ZBTB9: variants seen among roughly 807,000 people sequenced by gnomAD.
ZBTB9 encodes the protein zinc finger and BTB domain containing 9.
A neutral mutation model predicts 26.3 loss-of-function variants in ZBTB9; 17 were observed. The ratio of observed to expected loss-of-function variants is 0.65; its 90% CI spans 0.44 to 0.97. The LOEUF (loss-of-function observed/expected upper bound fraction) is 0.97. ZBTB9 is among the 50% of genes least tolerant of loss of function. The probability of loss-of-function intolerance (pLI) is 0.00; values close to 1 mark genes in which losing one functional copy is unlikely to be tolerated. For missense variants in ZBTB9, 510 were observed against 594.2 expected, an observed-to-expected ratio of 0.86 and a Z score of 1.47; for synonymous variants, 226 against 234.3, an observed-to-expected ratio of 0.96 and a Z score of 0.32.
At position 33,455,220 on chromosome 6, in the gene ZBTB9, C is replaced by G. The variant is rs534179498; in HGVS notation, c.120C>G (p.Arg40=). 1.9e-5 allele frequency: 30 copies of G among 1,614,166 alleles called. No homozygotes were observed. In the African/African-American group the frequency reaches 3.6e-4, roughly 19 times the overall value. The part of the protein sequence containing the change: ...HSSSLLESLN[R]HRLEGKFCDV... ...CGTCTCTGCTGGAATCTCTGAACCG[C>G]CACAGGCTAGAGGGAAAGTTCTGTG... Residue 40 remains arginine, a synonymous_variant, in exon 2 of 2, where the codon CGC becomes CGG. Transcript: ENST00000395064.
At position 33,455,597 on chromosome 6, in the gene ZBTB9, C is replaced by G. The variant is rs1347265766; in HGVS notation, c.497C>G (p.Thr166Arg). 6.2e-7 allele frequency: 1 copy of G among 1,613,858 alleles called. No homozygotes were observed. The highest frequency in any genetic ancestry group is 2.2e-5 in the East Asian group (1 of 44,894). ...YHALLSTTSS[T>R]GGWCIRSSPF... ...GCCCTTCTTTCCACTACATCCTCTACAGGAGGCTGGTGCATTCGCTCTTCG... is the reference window on the plus strand; with the variant it reads ...GCCCTTCTTTCCACTACATCCTCTAGAGGAGGCTGGTGCATTCGCTCTTCG... Residue 166 changes from threonine to arginine, a missense_variant, in exon 2 of 2, where the codon ACA (threonine) becomes AGA (arginine). Thr to Arg is a moderately conservative substitution (Grantham distance 71). Around this residue, in one of 2 missense-constraint regions of ZBTB9, gnomAD observed 439 missense variants for 460.4 expected, o/e 0.95. Coordinates refer to ENST00000395064, the MANE Select transcript of ZBTB9 (RefSeq NM_152735.4).
Position 33,456,849 on chromosome 6 carries a change from TGA to T in ZBTB9, c.*332_*333del. 1 of 315,138 alleles carries T rather than the reference TGA, an allele frequency of 3.2e-6. No individual in the cohort carries two copies. Among genetic ancestry groups the T allele is most frequent in the Non-Finnish European group, 6.2e-6 (1 of 162,294 alleles). 19.5% of individuals were successfully genotyped at this position (315,138 alleles called of 1,614,324 possible). On this transcript the variant is annotated 3_prime_UTR_variant, in exon 2 of 2. Coordinates refer to ENST00000395064, the MANE Select transcript of ZBTB9 (RefSeq NM_152735.4). This position sits in a 1 kb window ranked among gnomAD's most constrained non-coding sequence, Gnocchi z 5.1. ...GGAAACCAGATTTTCAATTATTTAGTGAGAGAAGAGTTAGAGCAAAAGACAGT... is the reference window on the plus strand; with the variant it reads ...GGAAACCAGATTTTCAATTATTTAGTGAGAAGAGTTAGAGCAAAAGACAGT...
upstream of ZBTB9, chr6:33,454,108 T>G (rs1761421768): frequency 6.6e-6 from 1 of 152,172 alleles, no homozygotes; most frequent in Non-Finnish European, 1.5e-5. Flanking sequence ...CCAGGTCCAC[T>G]ACTATTAGCT....
chr6:33,456,219 A>AG lies in ZBTB9; in HGVS notation c.1125dup (p.Thr376AspfsTer24), dbSNP rs758605866. On this transcript the variant is annotated frameshift_variant, in exon 2 of 2. Coordinates refer to ENST00000395064, the MANE Select transcript of ZBTB9 (RefSeq NM_152735.4). LOFTEE classifies it high-confidence loss of function. This position sits in a 1 kb window ranked among gnomAD's most constrained non-coding sequence, Gnocchi z 5.1. The stretch of plus-strand genomic sequence containing the variant: ...AGGCCGTGCATGGGCCTGTGAAGCT[A>AG]GGGGGGACACCCCCTGCAGATGGAA... 1 of 1,611,790 alleles carries AG rather than the reference A, an allele frequency of 6.2e-7. No individual in the cohort carries two copies. Among genetic ancestry groups the AG allele is most frequent in the South Asian group, 1.1e-5 (1 of 90,914 alleles).
At position 33,455,198 on chromosome 6, in the gene ZBTB9, C is replaced by T. The variant is rs780625662; in HGVS notation, c.98C>T (p.Ser33Phe). ...ATCGAGTTCCCACAGCATAGCTCGT[C>T]TCTGCTGGAATCTCTGAACCGCCAC... ...IQIEFPQHSS[S>F]LLESLNRHRL... The change falls in exon 2 of 2, where the codon TCT becomes TTT. Residue 33 changes from serine (S) to phenylalanine (F), a missense_variant. By Grantham distance (155) the Ser-to-Phe change is radical (BLOSUM62 -2). Around this residue, in one of 2 missense-constraint regions of ZBTB9, gnomAD observed 439 missense variants for 460.4 expected, o/e 0.95. Coordinates refer to ENST00000395064, the MANE Select transcript of ZBTB9 (RefSeq NM_152735.4). 5.6e-6 allele frequency: 9 copies of T among 1,613,964 alleles called. No homozygotes were observed. In the East Asian group the frequency reaches 2.0e-4, roughly 36 times the overall value.
rs771693572 is a variant in ZBTB9, at chr6:33,456,167, G to A, written c.1067G>A (p.Gly356Glu). 1.2e-6 allele frequency: 2 copies of A among 1,608,936 alleles called. No individual in the cohort carries two copies. The highest frequency in any genetic ancestry group is 1.3e-5 in the African/African-American group (1 of 74,846). The change falls in exon 2 of 2, where the codon GGG becomes GAG. Residue 356 changes from glycine to glutamate, a missense_variant. Coordinates refer to ENST00000395064, the MANE Select transcript of ZBTB9 (RefSeq NM_152735.4). The surrounding 1 kb of genome is among the most constrained non-coding windows in gnomAD (Gnocchi z 5.1). ...VDLHGNEILS[G>E]GGGPGGAGQA... Reference sequence around the variant, plus strand: ...CTTCATGGGAATGAAATCCTGTCAGGGGGTGGAGGACCTGGGGGAGCAGGC... The same window carrying A: ...CTTCATGGGAATGAAATCCTGTCAGAGGGTGGAGGACCTGGGGGAGCAGGC...
rs941163050 is a variant in ZBTB9 at position 33,457,011 on chromosome 6, C to G, written c.*489C>G. 1.8e-5 allele frequency: 3 copies of G among 170,232 alleles called. No homozygotes were observed. The highest frequency in any genetic ancestry group is 7.2e-5 in the African/African-American group (3 of 41,578). 10.5% of individuals were successfully genotyped at this position (170,232 alleles called of 1,614,324 possible). A position where few individuals can be genotyped will look rare whatever the true frequency, so the allele number is the denominator to read the frequency against. On this transcript the variant is annotated 3_prime_UTR_variant, in exon 2 of 2. Transcript: ENST00000395064. ...TCTCTCATTGCTGGAATGATTTAAG[C>G]AGAAGTCCTTTTGTGTACTTTTAAA... is the stretch of plus-strand genomic sequence containing the variant.
chr6:33,455,552 G>A lies in ZBTB9; in HGVS notation c.452G>A (p.Arg151His), dbSNP rs201031785. 6.2e-6 allele frequency: 10 copies of A among 1,614,030 alleles called. No homozygotes were observed. Among genetic ancestry groups the A allele is most frequent in the East Asian group, 2.2e-5 (1 of 44,902 alleles). The change falls in exon 2 of 2, where the codon CGT becomes CAT. Residue 151 changes from arginine to histidine, a missense_variant. By Grantham distance (29) the Arg-to-His change is conservative. Transcript: ENST00000395064. The stretch of plus-strand genomic sequence containing the variant: ...ACTTCAGGTGGTGGAATTTCAGCCC[G>A]TGGAGGAAACTCCTACCATGCCCTT... The part of the protein sequence containing the change: ...LETSGGGISA[R>H]GGNSYHALLS...
In ZBTB9 at chr6:33,455,458, C is replaced by G. The variant is rs1484811034; in HGVS notation, c.358C>G (p.Leu120Val). 1 of 1,614,122 alleles carries G rather than the reference C, an allele frequency of 6.2e-7. No homozygotes were observed. Among genetic ancestry groups the G allele is most frequent in the Non-Finnish European group, 8.5e-7 (1 of 1,179,978 alleles). ...ACTGGATGCTCTTCCTGCTCATCTC[C>G]TTGTGGCCAGTGGCCTTCAAATGTG... ...LPLDALPAHL[L>V]VASGLQMWQV... The change falls in exon 2 of 2, where the codon CTT becomes GTT. Residue 120 changes from leucine (L) to valine (V), a missense_variant. Transcript: ENST00000395064.
In ZBTB9 at chr6:33,457,202, C is replaced by A. The variant is rs1015872802; in HGVS notation, c.*680C>A. The A allele has an allele frequency of 1.2e-5, 2 of 167,076 alleles. No homozygotes were observed. Among genetic ancestry groups the A allele is most frequent in the Admixed American group, 1.3e-4 (2 of 15,284 alleles). 10.3% of individuals were successfully genotyped at this position (167,076 alleles called of 1,614,324 possible). On this transcript the variant is annotated 3_prime_UTR_variant, in exon 2 of 2. Coordinates refer to ENST00000395064, the MANE Select transcript of ZBTB9 (RefSeq NM_152735.4). ...GAGGGTCTTCCCTCAACAGCCTGTG[C>A]CTCTGGTCTACCTTTGACCACCACT...
In ZBTB9 at chr6:33,456,981, T is replaced by C. The variant is rs933924020; in HGVS notation, c.*459T>C. 1.1e-5 allele frequency: 2 copies of C among 174,022 alleles called. No individual in the cohort carries two copies. Among genetic ancestry groups the C allele is most frequent in the Non-Finnish European group, 2.7e-5 (2 of 73,096 alleles). 10.8% of individuals were successfully genotyped at this position (174,022 alleles called of 1,614,324 possible). A position where few individuals can be genotyped will look rare whatever the true frequency, so the allele number is the denominator to read the frequency against. ...GTAATTCAGAGGCTAAGCTCTAAGC[T>C]TTTTTCTCTCATTGCTGGAATGATT... On this transcript the variant is annotated 3_prime_UTR_variant, in exon 2 of 2. Transcript: ENST00000395064. The surrounding 1 kb of genome is among the most constrained non-coding windows in gnomAD (Gnocchi z 5.1).
At position 33,455,665 on chromosome 6, in the gene ZBTB9, C is replaced by T; in HGVS notation, c.565C>T (p.Pro189Ser). The change falls in exon 2 of 2, where the codon CCT becomes TCT. Residue 189 changes from proline (P) to serine (S), a missense_variant. Pro to Ser is a moderately conservative substitution (Grantham distance 74). Transcript: ENST00000395064. Reference sequence around the variant, plus strand: ...ACAGTCCTCTGCTTCTACTGAAAGCCCTGCTTCCACTGAGAGCCCTGTGGG... The same window carrying T: ...ACAGTCCTCTGCTTCTACTGAAAGCTCTGCTTCCACTGAGAGCCCTGTGGG... ...PVQSSASTESPASTESPVGGE... is the reference protein window; with the variant it reads ...PVQSSASTESSASTESPVGGE... The T allele has an allele frequency of 6.2e-7, 1 of 1,614,190 alleles. No homozygotes were observed. Among genetic ancestry groups the T allele is most frequent in the African/African-American group, 1.3e-5 (1 of 75,050 alleles).
rs150826464 is a variant in ZBTB9 at position 33,455,902 on chromosome 6, G to C, written c.802G>C (p.Ala268Pro). The C allele has an allele frequency of 1.5e-4, 250 of 1,613,344 alleles. 1 individual carries two copies. The African/African-American group carries it at 2.8e-3, about 18-fold the overall frequency. The change falls in exon 2 of 2, where the codon GCA (alanine) becomes CCA (proline). Residue 268 changes from alanine (A) to proline (P), a missense_variant. Ala to Pro is a conservative substitution (Grantham distance 27). Coordinates refer to ENST00000395064, the MANE Select transcript of ZBTB9 (RefSeq NM_152735.4). Reference sequence around the variant, plus strand: ...CCGAAAGCTTCCAGAGGGTGAGAGTGCACCACTTGAGCTTCCTGCCCCTCC... The same window carrying C: ...CCGAAAGCTTCCAGAGGGTGAGAGTCCACCACTTGAGCTTCCTGCCCCTCC... Reference protein sequence around the residue: ...TPRKLPEGESAPLELPAPPAL... With the variant: ...TPRKLPEGESPPLELPAPPAL...
rs766036864 is a variant in ZBTB9, at chr6:33,455,237, A to G, written c.137A>G (p.Lys46Arg). The change falls in exon 2 of 2, where the codon AAG (lysine) becomes AGG (arginine). Residue 46 changes from lysine (K) to arginine (R), a missense_variant. By Grantham distance (26) the Lys-to-Arg change is conservative. This residue lies in a region of ZBTB9 where 439 missense variants were observed against 460.4 expected (regional missense o/e 0.95). Coordinates refer to ENST00000395064, the MANE Select transcript of ZBTB9 (RefSeq NM_152735.4). ...CTGAACCGCCACAGGCTAGAGGGAAAGTTCTGTGATGTGTCCCTCCTGGTG... is the reference window on the plus strand; with the variant it reads ...CTGAACCGCCACAGGCTAGAGGGAAGGTTCTGTGATGTGTCCCTCCTGGTG... ...ESLNRHRLEGKFCDVSLLVQG... is the reference protein window; with the variant it reads ...ESLNRHRLEGRFCDVSLLVQG... 43 of 1,614,048 alleles carry G rather than the reference A, an allele frequency of 2.7e-5. No homozygotes were observed. In the Admixed American group the frequency reaches 2.7e-4, roughly 10 times the overall value.
At chr6:33,454,917 A>C in intron 1 of ZBTB9, 113 bp from the exon 2 acceptor site, 38 of 893,062 alleles carry the variant, frequency 4.3e-5, no homozygotes, top group Non-Finnish European at 5.9e-5. Context: ...GATTTGCAGA[A>C]ACCGCCACTG....
chr6:33,455,269 C>T lies in ZBTB9; in HGVS notation c.169C>T (p.Arg57Trp), dbSNP rs1331282736. The T allele has an allele frequency of 6.2e-7, 1 of 1,614,048 alleles. No homozygotes were observed. Among genetic ancestry groups the T allele is most frequent in the African/African-American group, 1.3e-5 (1 of 74,904 alleles). The change falls in exon 2 of 2, where the codon CGG becomes TGG. Residue 57 changes from arginine to tryptophan, a missense_variant. By Grantham distance (101) the Arg-to-Trp change is moderately radical. This residue lies in a region of ZBTB9 where 439 missense variants were observed against 460.4 expected (regional missense o/e 0.95). Coordinates refer to ENST00000395064, the MANE Select transcript of ZBTB9 (RefSeq NM_152735.4). ...TGATGTGTCCCTCCTGGTGCAGGGCCGGGAACTTAGGGCTCATAAAGCAGT... is the reference window on the plus strand; with the variant it reads ...TGATGTGTCCCTCCTGGTGCAGGGCTGGGAACTTAGGGCTCATAAAGCAGT... ...FCDVSLLVQG[R>W]ELRAHKAVLA...
rs909429927 is a variant in ZBTB9 at position 33,455,211 on chromosome 6, T to C, written c.111T>C (p.Ser37=). Residue 37 remains serine, a synonymous_variant, in exon 2 of 2, where the codon TCT becomes TCC. Coordinates refer to ENST00000395064, the MANE Select transcript of ZBTB9 (RefSeq NM_152735.4). The part of the protein sequence containing the change: ...FPQHSSSLLE[S]LNRHRLEGKF... ...AGCATAGCTCGTCTCTGCTGGAATCTCTGAACCGCCACAGGCTAGAGGGAA... is the reference window on the plus strand; with the variant it reads ...AGCATAGCTCGTCTCTGCTGGAATCCCTGAACCGCCACAGGCTAGAGGGAA... 1 of 1,613,994 alleles carries C rather than the reference T, an allele frequency of 6.2e-7. No individual in the cohort carries two copies. Among genetic ancestry groups the C allele is most frequent in the Non-Finnish European group, 8.5e-7 (1 of 1,180,034 alleles).
rs1761499063 is a variant in ZBTB9, at chr6:33,457,072, T to C, written c.*550T>C. 6.0e-6 allele frequency: 1 copy of C among 167,518 alleles called. No homozygotes were observed. The highest frequency in any genetic ancestry group is 2.1e-4 in the South Asian group (1 of 4,840). The allele number at this position is 167,518 out of a possible 1,614,324, so 10.4% of individuals were successfully genotyped here. On this transcript the variant is annotated 3_prime_UTR_variant, in exon 2 of 2. Coordinates refer to ENST00000395064, the MANE Select transcript of ZBTB9 (RefSeq NM_152735.4). ...TCCAGGAGCCCCTCAGATTGTACCTTGCTTTCTCACCAATAGACACCTTCC... is the reference window on the plus strand; with the variant it reads ...TCCAGGAGCCCCTCAGATTGTACCTCGCTTTCTCACCAATAGACACCTTCC...
At position 33,456,093 on chromosome 6, in the gene ZBTB9, G is replaced by A. The variant is rs143849363; in HGVS notation, c.993G>A (p.Gly331=). 2.3e-4 allele frequency: 368 copies of A among 1,613,900 alleles called. No homozygotes were observed. In the Middle Eastern group the frequency reaches 2.8e-3, roughly 12 times the overall value. ...AGCTAGGGTTCTTGTTGCCTTCAGGGCCAGGGCCAACATCTGGGGGAGGGG... is the reference window on the plus strand; with the variant it reads ...AGCTAGGGTTCTTGTTGCCTTCAGGACCAGGGCCAACATCTGGGGGAGGGG... The part of the protein sequence containing the change: ...NGELGFLLPS[G]PGPTSGGGGP... The change falls in exon 2 of 2, where the codon GGG becomes GGA. Residue 331 remains glycine (G), a synonymous_variant. Coordinates refer to ENST00000395064, the MANE Select transcript of ZBTB9 (RefSeq NM_152735.4). This position sits in a 1 kb window ranked among gnomAD's most constrained non-coding sequence, Gnocchi z 5.1.
Sources: gnomAD v4.1 joint callset for allele counts on GRCh38, gnomAD v4.1.1 for gene constraint, gnomAD v4.1.1 regional missense constraint, Gnocchi (gnomAD v3.1) non-coding constraint, MANE v1.5 for transcripts, NCBI Gene and HGNC (gene_info 2026-07-23, HGNC 2026-07-21) for gene names.